Variants in NAALADL2 observed in about 807,000 individuals in gnomAD.
The protein encoded by NAALADL2 is inactive N-acetylated-alpha-linked acidic dipeptidase-like protein 2.
NAALADL2 carries 76 observed loss-of-function variants against 87.2 expected under a neutral mutation model. The ratio of observed to expected loss-of-function variants is 0.87; its 90% CI spans 0.72 to 1.05. The LOEUF (loss-of-function observed/expected upper bound fraction) is 1.05, where lower values mean the gene tolerates loss of function less well. Ranked by LOEUF, NAALADL2 falls within the 50% of genes least tolerant of loss-of-function variation. The probability of loss-of-function intolerance (pLI) is 0.00; values close to 1 mark genes in which losing one functional copy is unlikely to be tolerated. For synonymous variants in NAALADL2, 354 were observed against 331.0 expected, an observed-to-expected ratio of 1.07 and a Z score of -0.75; for missense variants, 1,089 against 945.8, an observed-to-expected ratio of 1.15 and a Z score of -1.99.
intron 13 of NAALADL2, among the ~76,000 whole-genome samples, chr3:175,778,613 G>T (rs1750586453): frequency 6.6e-6 from 1 of 152,116 alleles, no homozygotes; most frequent in Admixed American, 6.6e-5. Flanking sequence ...CACATATAAA[G>T]CTTTTTATTG....
chr3:174,626,686 T>C (rs1160999546), intron 2 of NAALADL2, among the ~76,000 whole-genome samples: 2 of 151,988 alleles, frequency 1.3e-5, no homozygotes, highest in African/African-American at 4.8e-5. Context: ...ATACAGAATA[T>C]TTACTATAAT....
intron 4 of NAALADL2, among the ~76,000 whole-genome samples, chr3:175,307,041 C>A (rs1333271349): frequency 6.6e-6 from 1 of 152,040 alleles, no homozygotes; most frequent in African/African-American, 2.4e-5. Flanking sequence ...TCGCTCTTTG[C>A]CCAATAGTAT....
chr3:175,019,632 T>A (rs1423141582), intron 1 of NAALADL2, among the ~76,000 whole-genome samples: 1 of 151,960 alleles, frequency 6.6e-6, no homozygotes, highest in African/African-American at 2.4e-5. Context: ...TGATCTAATT[T>A]CACTTCGTTG....
intron 9 of NAALADL2, among the ~76,000 whole-genome samples, chr3:175,546,254 C>T (rs577889288): frequency 2.9e-4 from 44 of 152,100 alleles, no homozygotes; most frequent in Non-Finnish European, 8.8e-5. Context: ...AGATTTTTCT[C>T]CATCCCTTTA....
chr3:174,993,833 T>C (rs1747065946), intron 1 of NAALADL2, among the ~76,000 whole-genome samples: 4 of 152,202 alleles, frequency 2.6e-5, no homozygotes, highest in Admixed American at 2.0e-4. Context: ...AGGTCCATGC[T>C]CTTTGAAGAC....
intron 4 of NAALADL2, among the ~76,000 whole-genome samples, chr3:175,316,455 A>G (rs927270895): frequency 6.6e-6 from 1 of 152,142 alleles, no homozygotes; most frequent in Non-Finnish European, 1.5e-5. Context: ...CCTATCACAT[A>G]TAGTTATTTG....
chr3:175,535,194 A>C (rs1734648498), intron 9 of NAALADL2, among the ~76,000 whole-genome samples: 1 of 152,168 alleles, frequency 6.6e-6, no homozygotes, highest in South Asian at 2.1e-4. Flanking sequence ...TTTTCTCCTA[A>C]TATGTTTCCT....
intron 1 of NAALADL2, among the ~76,000 whole-genome samples, chr3:174,906,849 AC>A (rs1733038232): frequency 6.6e-6 from 1 of 152,080 alleles, no homozygotes; most frequent in South Asian, 2.1e-4. Context: ...CAATACAGAA[AC>A]CAAGAGCTTC....
intron 11 of NAALADL2, among the ~76,000 whole-genome samples, chr3:175,707,741 C>T (rs1436927722): frequency 6.6e-6 from 1 of 151,928 alleles, no homozygotes; most frequent in Admixed American, 6.6e-5. Flanking sequence ...GCAGAGTCTT[C>T]CCTGAAATAC....
chr3:175,756,424 G>C (rs1662563496), intron 13 of NAALADL2, among the ~76,000 whole-genome samples: 1 of 152,118 alleles, frequency 6.6e-6, no homozygotes, highest in Admixed American at 6.5e-5. Flanking sequence ...GAATCAACCT[G>C]AGTGTCTATC....
In NAALADL2 at chr3:175,548,948, T is replaced by C. The variant is rs566445954; in HGVS notation, c.1654-27093T>C. 4.3e-4 allele frequency among the ~76,000 whole-genome samples: 66 copies of C among 152,134 alleles called. 2 individuals are homozygous for C. The highest frequency in any genetic ancestry group is 1.5e-3 in the African/African-American group (64 of 41,558). On this transcript the variant is annotated intron_variant, in intron 9 of 13. Transcript: ENST00000454872. ...ATTCTAATGCTTCTACCATTTATTA[T>C]TCCTATCACACTCCAGACCAGAAAA...
intron 2 of NAALADL2, among the ~76,000 whole-genome samples, chr3:175,108,194 TA>T (rs1488410377): frequency 1.3e-5 from 2 of 151,926 alleles, no homozygotes; most frequent in Non-Finnish European, 2.9e-5. Context: ...TCATAATATG[TA>T]ACTTGTCCCC....
intron 1 of NAALADL2, among the ~76,000 whole-genome samples, chr3:174,522,027 A>C (rs921233197): frequency 1.3e-5 from 2 of 152,140 alleles, no homozygotes; most frequent in African/African-American, 2.4e-5. Flanking sequence ...GGAGCCCAGC[A>C]GTTCCAAGCT....
chr3:174,521,571 C>CAAAAAAAAAAA (rs58465181), intron 1 of NAALADL2, among the ~76,000 whole-genome samples: 16 of 56,176 alleles, frequency 2.8e-4, no homozygotes, highest in African/African-American at 4.3e-4. Context: ...GACCCTGTCT[C>CAAAAAAAAAAA]AAAAAAAAAA....
chr3:174,567,801 C>T (rs1379387628), intron 2 of NAALADL2, among the ~76,000 whole-genome samples: 2 of 151,580 alleles, frequency 1.3e-5, no homozygotes, highest in East Asian at 1.9e-4. Flanking sequence ...ACCTGGTACC[C>T]AGTAGTCTCC....
chr3:174,492,419 C>T (rs1011431823), intron 1 of NAALADL2, among the ~76,000 whole-genome samples: 1 of 152,078 alleles, frequency 6.6e-6, no homozygotes, highest in African/African-American at 2.4e-5. Context: ...CTGTTGTGAT[C>T]GGTTTTTTCT....
At chr3:175,077,732 G>A (rs1716887099) in intron 1 of NAALADL2, among the ~76,000 whole-genome samples, 1 of 151,964 alleles carries the variant, frequency 6.6e-6, no homozygotes, top group African/African-American at 2.4e-5. Context: ...ATTGCTTGTG[G>A]TTCTGATATC....
intron 2 of NAALADL2, among the ~76,000 whole-genome samples, chr3:174,553,401 T>A (rs1348526857): frequency 1.3e-5 from 2 of 152,312 alleles, no homozygotes; most frequent in Middle Eastern, 3.4e-3. Flanking sequence ...AAGCTTAAGC[T>A]ATGCAAAACT....
At chr3:175,018,726 A>G (rs940173843) in intron 1 of NAALADL2, among the ~76,000 whole-genome samples, 1 of 152,074 alleles carries the variant, frequency 6.6e-6, no homozygotes, top group Non-Finnish European at 1.5e-5. Context: ...GTGGTCTTCC[A>G]TGTAAATACA....
Sources: gnomAD v4.1 joint callset for allele counts (sites outside exome capture counted in the v4.1 genomes callset) on GRCh38, gnomAD v4.1.1 for gene constraint, MANE v1.5 for transcripts, NCBI Gene and HGNC (gene_info 2026-07-23, HGNC 2026-07-21) for gene names.